Variants in IL11 observed in about 807,000 individuals in gnomAD.
IL11 encodes interleukin-11.
A neutral mutation model predicts 18.1 loss-of-function variants in IL11; 17 were observed. That is an observed-to-expected ratio of 0.94 (90% CI 0.64 to 1.41). The LOEUF (loss-of-function observed/expected upper bound fraction) is 1.41, where lower values mean the gene tolerates loss of function less well. Ranked by LOEUF, IL11 falls within the 40% of genes most tolerant of loss-of-function variation. IL11 has a pLI of 0.00. For missense variants in IL11, 309 were observed against 262.8 expected (o/e 1.18, Z -1.22); for synonymous variants, 144 against 134.1 (o/e 1.07, Z -0.51).
rs1334539236 is a variant in IL11 at position 55,365,937 on chromosome 19, C to G, written c.*70G>C. The stretch of plus-strand genomic sequence containing the variant: ...CGGGGGGATCACCTGGCTGTTTCGC[C>G]CCCAGTACTGAAATAAATAAATAAA... On this transcript the variant is annotated 3_prime_UTR_variant, in exon 5 of 5. Coordinates refer to ENST00000264563, the MANE Select transcript of IL11 (RefSeq NM_000641.4). The G allele has an allele frequency of 6.5e-7, 1 of 1,546,810 alleles. No individual in the cohort carries two copies. Among genetic ancestry groups the G allele is most frequent in the Non-Finnish European group, 8.7e-7 (1 of 1,145,990 alleles).
chr19:55,366,198 T>G lies in IL11; in HGVS notation c.430-21A>C. 1.4e-6 allele frequency: 2 copies of G among 1,459,882 alleles called. No individual in the cohort carries two copies. The highest frequency in any genetic ancestry group is 2.8e-5 in the Admixed American group (1 of 35,780). The allele number at this position is 1,459,882 out of a possible 1,614,324, so 90.4% of individuals were successfully genotyped here. A position where few individuals can be genotyped will look rare whatever the true frequency, so the allele number is the denominator to read the frequency against. On this transcript the variant is annotated intron_variant, in intron 4 of 4. Coordinates refer to ENST00000264563, the MANE Select transcript of IL11 (RefSeq NM_000641.4). This position sits in a 1 kb window ranked among gnomAD's most constrained non-coding sequence, Gnocchi z 4.6. ...GACATCTGTGGGGAGAGGAGAGAGG[T>G]GAGTCACAGGTAGGGGGTGCAGCGG...
Position 55,369,476 on chromosome 19 carries a change from G to GGACCTCTCCCACGGGAGACCCC in IL11, c.8-557_8-536dup. Among the ~76,000 whole-genome samples, 1 of 148,660 alleles carries GGACCTCTCCCACGGGAGACCCC rather than the reference G, an allele frequency of 6.7e-6. No individual in the cohort carries two copies. Among genetic ancestry groups the GGACCTCTCCCACGGGAGACCCC allele is most frequent in the South Asian group, 2.1e-4 (1 of 4,832 alleles). The stretch of plus-strand genomic sequence containing the variant: ...AGCCAGGACGGAGCCCGGGAGACAC[G>GGACCTCTCCCACGGGAGACCCC]GACCTCTCCCACGGGAGACCCCTTA... On this transcript the variant is annotated intron_variant, in intron 1 of 4. Transcript: ENST00000264563. The surrounding 1 kb of genome is among the most constrained non-coding windows in gnomAD (Gnocchi z 6.1).
Position 55,365,984 on chromosome 19 carries a change from CGGTGGT to C in IL11, c.*17_*22del. ...TAAATAAGATCTGGCTTTGGAAGGACGGTGGTGGCTTTGGGCCCCGGGTCACAGCCG... is the reference window on the plus strand; with the variant it reads ...TAAATAAGATCTGGCTTTGGAAGGACGGCTTTGGGCCCCGGGTCACAGCCG... On this transcript the variant is annotated 3_prime_UTR_variant, in exon 5 of 5. Transcript: ENST00000264563. 6.3e-7 allele frequency: 1 copy of C among 1,584,130 alleles called. No homozygotes were observed. Among genetic ancestry groups the C allele is most frequent in the Non-Finnish European group, 8.6e-7 (1 of 1,166,370 alleles).
chr19:55,369,002 G>A lies in IL11; in HGVS notation c.8-61C>T, dbSNP rs1033776398. The A allele has an allele frequency of 9.9e-6, 14 of 1,407,466 alleles. No individual in the cohort carries two copies. Among genetic ancestry groups the A allele is most frequent in the African/African-American group, 2.9e-5 (2 of 68,758 alleles). 87.2% of individuals were successfully genotyped at this position (1,407,466 alleles called of 1,614,324 possible). On this transcript the variant is annotated intron_variant, in intron 1 of 4. Coordinates refer to ENST00000264563, the MANE Select transcript of IL11 (RefSeq NM_000641.4). The surrounding 1 kb of genome is among the most constrained non-coding windows in gnomAD (Gnocchi z 6.1). ...CTCCGGGTCTGAGAGAGGAGGGCCT[G>A]GGCCTGGACTCCCGGGTCTGAGGGA...
At position 55,368,860 on chromosome 19, in the gene IL11, C is replaced by G. The variant is rs2089803306; in HGVS notation, c.89G>C (p.Arg30Pro). The G allele has an allele frequency of 1.9e-6, 3 of 1,580,306 alleles. No homozygotes were observed. Among genetic ancestry groups the G allele is most frequent in the East Asian group, 4.6e-5 (2 of 43,652 alleles). ...CTCGGCCCGAGGGTCTGGGGAAACTCGAGGGGGGCCAGGTGGTGGCCCAGG... is the reference window on the plus strand; with the variant it reads ...CTCGGCCCGAGGGTCTGGGGAAACTGGAGGGGGGCCAGGTGGTGGCCCAGG... ...VAPGPPPGPP[R>P]VSPDPRAELD... is the part of the protein sequence containing the mutation. Residue 30 changes from arginine (R) to proline (P), a missense_variant, in exon 2 of 5, where the codon CGA becomes CCA. Physicochemically the swap from Arg to Pro is moderately radical, Grantham distance 103. Coordinates refer to ENST00000264563, the MANE Select transcript of IL11 (RefSeq NM_000641.4).
rs1256298746 is a variant in IL11, at chr19:55,368,543, G to C, written c.207C>G (p.Asp69Glu). The change falls in exon 3 of 5, where the codon GAC becomes GAG. Residue 69 changes from aspartate (D) to glutamate (E), a missense_variant. Transcript: ENST00000264563. Reference protein sequence around the residue: ...QLRDKFPADGDHNLDSLPTLA... With the variant: ...QLRDKFPADGEHNLDSLPTLA... ...GGGTGGGCAGGGAATCCAGGTTGTGGTCCCCGTCAGCTGGGAATTTGTCCC... is the reference window on the plus strand; with the variant it reads ...GGGTGGGCAGGGAATCCAGGTTGTGCTCCCCGTCAGCTGGGAATTTGTCCC... 1 of 1,612,846 alleles carries C rather than the reference G, an allele frequency of 6.2e-7. No homozygotes were observed. The highest frequency in any genetic ancestry group is 2.2e-5 in the East Asian group (1 of 44,858).
rs980514763 is a variant in IL11, at chr19:55,367,450, C to CTTTTT, written c.429+755_429+759dup. 2.6e-3 allele frequency among the ~76,000 whole-genome samples: 181 copies of CTTTTT among 69,720 alleles called. 5 individuals are homozygous for CTTTTT. Among genetic ancestry groups the CTTTTT allele is most frequent in the Admixed American group, 3.8e-3 (18 of 4,738 alleles). 45.7% of individuals were successfully genotyped at this position (69,720 alleles called of 152,430 possible). A position where few individuals can be genotyped will look rare whatever the true frequency, so the allele number is the denominator to read the frequency against. ...GGAGGTCCATGGTTTTCTTTTCCTT[C>CTTTTT]TTTTTTTTTTTTTTTTTTTTTTTGA... is the stretch of plus-strand genomic sequence containing the variant. On this transcript the variant is annotated intron_variant, in intron 4 of 4. Coordinates refer to ENST00000264563, the MANE Select transcript of IL11 (RefSeq NM_000641.4).
rs1182305292 is a variant in IL11, at chr19:55,364,839, G to A, written c.*1168C>T. On this transcript the variant is annotated 3_prime_UTR_variant, in exon 5 of 5. Transcript: ENST00000264563. ...GCAAGCCTCTCTCCTTAGCCTCCCTGAATGACAGTCCCTGCTCCGGGCGGC... is the reference window on the plus strand; with the variant it reads ...GCAAGCCTCTCTCCTTAGCCTCCCTAAATGACAGTCCCTGCTCCGGGCGGC... 6.6e-6 allele frequency: 1 copy of A among 152,168 alleles called. No homozygotes were observed. Among genetic ancestry groups the A allele is most frequent in the Non-Finnish European group, 1.5e-5 (1 of 68,024 alleles). The allele number at this position is 152,168 out of a possible 1,614,324, so 9.4% of individuals were successfully genotyped here.
chr19:55,369,991 G>C lies in IL11; in HGVS notation c.7+313C>G, dbSNP rs995609077. On this transcript the variant is annotated intron_variant, in intron 1 of 4. Transcript: ENST00000264563. The surrounding 1 kb of genome is among the most constrained non-coding windows in gnomAD (Gnocchi z 6.1). ...GCTCCCTGGGGCCTGGGTCGATGGG[G>C]GTCACCTCCCTCCCGGCACCAGTCC... is the stretch of plus-strand genomic sequence containing the variant. Among the ~76,000 whole-genome samples the C allele has an allele frequency of 7.9e-5, 12 of 152,030 alleles. No individual in the cohort carries two copies. The highest frequency in any genetic ancestry group is 2.9e-4 in the African/African-American group (12 of 41,418).
Position 55,365,862 on chromosome 19 carries a change from G to A in IL11, c.*145C>T. The A allele has an allele frequency of 7.9e-7, 1 of 1,271,912 alleles. No homozygotes were observed. The highest frequency in any genetic ancestry group is 1.1e-6 in the Non-Finnish European group (1 of 925,200). 78.8% of individuals were successfully genotyped at this position (1,271,912 alleles called of 1,614,324 possible). A position where few individuals can be genotyped will look rare whatever the true frequency, so the allele number is the denominator to read the frequency against. On this transcript the variant is annotated 3_prime_UTR_variant, in exon 5 of 5. Transcript: ENST00000264563. ...AAATAAGTATAAATAAGGCACAGAT[G>A]CCCCCCAGGCCTCACGGAAGGACTG...
intron 2 of IL11, 72 bp downstream of exon 2, chr19:55,368,697 G>A: frequency 6.6e-7 from 1 of 1,504,140 alleles, no homozygotes; most frequent in Non-Finnish European, 9.0e-7. Flanking sequence ...CCTCCAAGTG[G>A]CTGCCCGCAG....
intron 3 of IL11, 47 bp downstream of exon 3, chr19:55,368,436 C>T (rs755424481): frequency 3.2e-6 from 5 of 1,579,060 alleles, no homozygotes; most frequent in Non-Finnish European, 3.5e-6. Flanking sequence ...CCGCCCCCTT[C>T]ACTGCCTGCC....
rs1438086436 is a variant in IL11 at position 55,370,304 on chromosome 19, A to T, written c.7T>A (p.Cys3Ser). Residue 3 changes from cysteine to serine, a missense_variant and splice_region_variant, in exon 1 of 5, where the codon TGT (cysteine) becomes AGT (serine). Physicochemically the swap from Cys to Ser is moderately radical, Grantham distance 112. Coordinates refer to ENST00000264563, the MANE Select transcript of IL11 (RefSeq NM_000641.4). ...CCACCCTCCCCATGAACCAACTTAC[A>T]GTTCATGTCCCCACAGGGCCAGGGG... MNCVCRLVLVVLS... is the reference protein window; with the variant it reads MNSVCRLVLVVLS... 6.8e-7 allele frequency: 1 copy of T among 1,478,112 alleles called. No individual in the cohort carries two copies. Among genetic ancestry groups the T allele is most frequent in the African/African-American group, 1.4e-5 (1 of 69,770 alleles). 91.6% of individuals were successfully genotyped at this position (1,478,112 alleles called of 1,614,324 possible). A position where few individuals can be genotyped will look rare whatever the true frequency, so the allele number is the denominator to read the frequency against.
rs1440173417 is a variant in IL11 at position 55,366,222 on chromosome 19, G to A, written c.430-45C>T. The A allele has an allele frequency of 1.2e-5, 18 of 1,444,414 alleles. No homozygotes were observed. The highest frequency in any genetic ancestry group is 5.1e-4 in the Middle Eastern group (2 of 3,896). The allele number at this position is 1,444,414 out of a possible 1,614,324, so 89.5% of individuals were successfully genotyped here. A position where few individuals can be genotyped will look rare whatever the true frequency, so the allele number is the denominator to read the frequency against. On this transcript the variant is annotated intron_variant, in intron 4 of 4. Transcript: ENST00000264563. The surrounding 1 kb of genome is among the most constrained non-coding windows in gnomAD (Gnocchi z 4.6). ...GTGAGTCACAGGTAGGGGGTGCAGC[G>A]GGGGTGCAGGGCAGGGGTGCTGTGG...
chr19:55,369,522 G>C lies in IL11; in HGVS notation c.8-581C>G, dbSNP rs937280080. ...CCTTAGACGCCCTCCCAGGAGCCCCGCCGGGTGGGCGGCAGAAGCCCGGGC... is the reference window on the plus strand; with the variant it reads ...CCTTAGACGCCCTCCCAGGAGCCCCCCCGGGTGGGCGGCAGAAGCCCGGGC... On this transcript the variant is annotated intron_variant, in intron 1 of 4. Transcript: ENST00000264563. This position sits in a 1 kb window ranked among gnomAD's most constrained non-coding sequence, Gnocchi z 6.1. Among the ~76,000 whole-genome samples, 1 of 151,630 alleles carries C rather than the reference G, an allele frequency of 6.6e-6. No individual in the cohort carries two copies. The highest frequency in any genetic ancestry group is 1.5e-5 in the Non-Finnish European group (1 of 67,812).
rs1019395052 is a variant in IL11 at position 55,365,858 on chromosome 19, A to G, written c.*149T>C. ...AAATAAATAAGTATAAATAAGGCAC[A>G]GATGCCCCCCAGGCCTCACGGAAGG... On this transcript the variant is annotated 3_prime_UTR_variant, in exon 5 of 5. Transcript: ENST00000264563. The G allele has an allele frequency of 4.0e-6, 5 of 1,260,148 alleles. No homozygotes were observed. The African/African-American group carries it at 7.8e-5, about 20-fold the overall frequency. The allele number at this position is 1,260,148 out of a possible 1,614,324, so 78.1% of individuals were successfully genotyped here. A position where few individuals can be genotyped will look rare whatever the true frequency, so the allele number is the denominator to read the frequency against.
At chr19:55,368,144 C>G (rs934915259) in intron 4 of IL11, 66 bp downstream of exon 4, 3 of 1,397,112 alleles carry the variant, frequency 2.1e-6, no homozygotes, top group Admixed American at 2.3e-5. Flanking sequence ...TTCAAGGACT[C>G]AGGCCACAGG....
In IL11 at chr19:55,369,442, G is replaced by A. The variant is rs2089807818; in HGVS notation, c.8-501C>T. On this transcript the variant is annotated intron_variant, in intron 1 of 4. Coordinates refer to ENST00000264563, the MANE Select transcript of IL11 (RefSeq NM_000641.4). This position sits in a 1 kb window ranked among gnomAD's most constrained non-coding sequence, Gnocchi z 6.1. ...CCCGAGCTGGCTGGGAGCAGGGGAA[G>A]GAGCCAGAAGCCAGGACGGAGCCCG... Among the ~76,000 whole-genome samples the A allele has an allele frequency of 6.6e-6, 1 of 151,896 alleles. No homozygotes were observed. The highest frequency in any genetic ancestry group is 1.5e-5 in the Non-Finnish European group (1 of 67,890).
At position 55,366,003 on chromosome 19, in the gene IL11, C is replaced by T. The variant is rs371404450; in HGVS notation, c.*4G>A. ...GAAGGACGGTGGTGGCTTTGGGCCC[C>T]GGGTCACAGCCGAGTCTTCAGCAGC... On this transcript the variant is annotated 3_prime_UTR_variant, in exon 5 of 5. Coordinates refer to ENST00000264563, the MANE Select transcript of IL11 (RefSeq NM_000641.4). This position sits in a 1 kb window ranked among gnomAD's most constrained non-coding sequence, Gnocchi z 4.6. The T allele has an allele frequency of 2.6e-4, 414 of 1,596,798 alleles. 1 individual carries two copies. Among genetic ancestry groups the T allele is most frequent in the Non-Finnish European group, 3.1e-4 (368 of 1,173,110 alleles).
Sources: allele counts gnomAD v4.1 joint callset (sites outside exome capture counted in the v4.1 genomes callset), GRCh38; gene constraint gnomAD v4.1.1; non-coding constraint Gnocchi (gnomAD v3.1); transcripts MANE v1.5; gene names NCBI Gene and HGNC (gene_info 2026-07-23, HGNC 2026-07-21).